CCNJL: variants seen among roughly 807,000 people sequenced by gnomAD.
CCNJL encodes the protein cyclin-J-like protein.
A neutral mutation model predicts 33.4 loss-of-function variants in CCNJL; 33 were observed. The ratio of observed to expected loss-of-function variants is 0.99; its 90% CI spans 0.75 to 1.32. The LOEUF is 1.32. Among genes scored for constraint, CCNJL ranks in the 40% most tolerant of loss-of-function variants. The pLI is 0.00. For missense variants in CCNJL, 512 were observed against 499.7 expected, an observed-to-expected ratio of 1.02 and a Z score of -0.23; for synonymous variants, 227 against 220.9, an observed-to-expected ratio of 1.03 and a Z score of -0.24.
At chr5:160,281,759 T>A (rs1186461476) in intron 2 of CCNJL, among the ~76,000 whole-genome samples, 1 of 152,160 alleles carries the variant, frequency 6.6e-6, no homozygotes, top group Non-Finnish European at 1.5e-5. Flanking sequence ...CAAGCAATCC[T>A]CCCACCTTGG....
At chr5:160,272,213 C>A (rs527568719) in intron 3 of CCNJL, among the ~76,000 whole-genome samples, 2 of 152,182 alleles carry the variant, frequency 1.3e-5, no homozygotes. Flanking sequence ...GACCCCATCC[C>A]GTCCCCTGCC....
At chr5:160,336,607 T>G (rs1763686397) in intron 1 of CCNJL, among the ~76,000 whole-genome samples, 2 of 152,208 alleles carry the variant, frequency 1.3e-5, no homozygotes, top group African/African-American at 4.8e-5. Context: ...TGGTAATCTG[T>G]TATGGCAGCT....
At chr5:160,258,254 T>C in intron 4 of CCNJL, 2 of 686,914 alleles carry the variant, frequency 2.9e-6, no homozygotes, top group East Asian at 2.5e-5. Context: ...CTGGTCAAAA[T>C]GGCTGGCAAG....
intron 2 of CCNJL, chr5:160,294,679 C>T (rs1762696124): frequency 6.6e-6 from 1 of 152,546 alleles, no homozygotes; most frequent in Non-Finnish European, 1.5e-5. Context: ...CACCCTCCAA[C>T]TGAATTCTTT....
chr5:160,298,220 C>T (rs1320569125), intron 2 of CCNJL, among the ~76,000 whole-genome samples: 11 of 152,116 alleles, frequency 7.2e-5, no homozygotes, highest in Non-Finnish European at 5.9e-5. Flanking sequence ...TGAGGCCGGG[C>T]GTGGTGGTGC....
At chr5:160,256,714 G>C (rs1039261624) in intron 4 of CCNJL, among the ~76,000 whole-genome samples, 12 of 151,958 alleles carry the variant, frequency 7.9e-5, no homozygotes, top group Non-Finnish European at 1.8e-4. Flanking sequence ...TCAGGAGTTC[G>C]AGACCAGCCT....
chr5:160,319,676 A>G (rs1763417150), intron 1 of CCNJL, among the ~76,000 whole-genome samples: 1 of 152,198 alleles, frequency 6.6e-6, no homozygotes, highest in Non-Finnish European at 1.5e-5. Flanking sequence ...CAAGTCTGGA[A>G]TCCCAGTACG....
At chr5:160,305,526 T>TA (rs1763067633) in intron 2 of CCNJL, among the ~76,000 whole-genome samples, 1 of 152,204 alleles carries the variant, frequency 6.6e-6, no homozygotes, top group Non-Finnish European at 1.5e-5. Flanking sequence ...CCCACGTCCA[T>TA]AGCGGCTGGC....
chr5:160,284,604 T>A (rs1762346455), intron 2 of CCNJL, among the ~76,000 whole-genome samples: 1 of 152,208 alleles, frequency 6.6e-6, no homozygotes, highest in African/African-American at 2.4e-5. Flanking sequence ...GAGGCCTGCC[T>A]CCTGAAAGTG....
Position 160,249,255 on chromosome 5 carries a change from T to C in CCNJL, c.*4123A>G, listed in dbSNP as rs1290980301. The C allele has an allele frequency of 6.6e-6, 1 of 152,190 alleles. No individual in the cohort carries two copies. The highest frequency in any genetic ancestry group is 1.9e-4 in the East Asian group (1 of 5,192). The allele number at this position is 152,190 out of a possible 1,614,324, so 9.4% of individuals were successfully genotyped here. A position where few individuals can be genotyped will look rare whatever the true frequency, so the allele number is the denominator to read the frequency against. On this transcript the variant is annotated 3_prime_UTR_variant, in exon 6 of 6. Coordinates refer to ENST00000257536, the MANE Select transcript of CCNJL (RefSeq NM_001308173.3). ...CAGTTGTGGAATAGGTCTGTTTCTATATGCACATGTAACCCAAATGTCAAA... is the reference window on the plus strand; with the variant it reads ...CAGTTGTGGAATAGGTCTGTTTCTACATGCACATGTAACCCAAATGTCAAA...
chr5:160,311,893 C>T lies in CCNJL; in HGVS notation c.31G>A (p.Val11Ile). The T allele has an allele frequency of 6.2e-7, 1 of 1,614,130 alleles. No individual in the cohort carries two copies. The change falls in exon 2 of 6, where the codon GTC becomes ATC. Residue 11 changes from valine to isoleucine, a missense_variant. Coordinates refer to ENST00000257536, the MANE Select transcript of CCNJL (RefSeq NM_001308173.3). Reference sequence around the variant, plus strand: ...AGGGTGCAGTGGACGTCCGAGGCGACGCGCCCTTCCCACCACGGCTCATCC... The same window carrying T: ...AGGGTGCAGTGGACGTCCGAGGCGATGCGCCCTTCCCACCACGGCTCATCC... MMDEPWWEGR[V>I]ASDVHCTLRE... is the part of the protein sequence containing the mutation.
chr5:160,318,283 C>T (rs531264936), intron 1 of CCNJL, among the ~76,000 whole-genome samples: 4 of 152,310 alleles, frequency 2.6e-5, no homozygotes, highest in East Asian at 1.9e-4. Context: ...TCCCAAAGTG[C>T]TGGAATTACA....
chr5:160,253,254 C>G lies in CCNJL; in HGVS notation c.*124G>C. ...CAGTTTTATTTAAAAGGAGCACAGACCCTCCACGTTCCAAGGCTCTTCAGG... is the reference window on the plus strand; with the variant it reads ...CAGTTTTATTTAAAAGGAGCACAGAGCCTCCACGTTCCAAGGCTCTTCAGG... On this transcript the variant is annotated 3_prime_UTR_variant, in exon 6 of 6. Transcript: ENST00000257536. 1.2e-6 allele frequency: 1 copy of G among 866,492 alleles called. No individual in the cohort carries two copies. The highest frequency in any genetic ancestry group is 1.7e-6 in the Non-Finnish European group (1 of 580,564). 53.7% of individuals were successfully genotyped at this position (866,492 alleles called of 1,614,324 possible). A position where few individuals can be genotyped will look rare whatever the true frequency, so the allele number is the denominator to read the frequency against.
chr5:160,284,027 G>A (rs1031072819), intron 2 of CCNJL, among the ~76,000 whole-genome samples: 1 of 152,114 alleles, frequency 6.6e-6, no homozygotes, highest in African/African-American at 2.4e-5. Context: ...TCTGTTGATG[G>A]ACATTTAGGT....
intron 1 of CCNJL, among the ~76,000 whole-genome samples, chr5:160,337,746 G>A (rs1165322388): frequency 4.6e-5 from 7 of 152,248 alleles, no homozygotes; most frequent in Non-Finnish European, 8.8e-5. Context: ...GCACAGTTAC[G>A]TGTTCTTCTT....
intron 1 of CCNJL, 113 bp from the exon 2 acceptor site, chr5:160,312,085 G>C: frequency 1.5e-6 from 1 of 672,428 alleles, no homozygotes; most frequent in Non-Finnish European, 2.6e-6. Context: ...CCCCTCCTGC[G>C]CCGCTCAGAG....
chr5:160,278,894 G>A (rs1762111504), intron 3 of CCNJL, among the ~76,000 whole-genome samples: 1 of 152,180 alleles, frequency 6.6e-6, no homozygotes, highest in Admixed American at 6.5e-5. Context: ...AGACGAAAGG[G>A]GGCTGCACGT....
intron 3 of CCNJL, among the ~76,000 whole-genome samples, chr5:160,263,930 G>A (rs1362204475): frequency 1.3e-5 from 2 of 150,596 alleles, no homozygotes; most frequent in South Asian, 2.1e-4. Context: ...AACAGCAGGA[G>A]CCCTATCAAC....
intron 3 of CCNJL, among the ~76,000 whole-genome samples, chr5:160,262,783 A>T (rs971525996): frequency 6.6e-6 from 1 of 152,226 alleles, no homozygotes; most frequent in African/African-American, 2.4e-5. Flanking sequence ...AAAAGATTTT[A>T]TGAGTTTCCT....
Sources: allele counts gnomAD v4.1 joint callset (sites outside exome capture counted in the v4.1 genomes callset), GRCh38; gene constraint gnomAD v4.1.1; transcripts MANE v1.5; gene names NCBI Gene and HGNC (gene_info 2026-07-23, HGNC 2026-07-21).